MAPKAPK5: variants seen among roughly 807,000 people sequenced by gnomAD.
The protein encoded by MAPKAPK5 is MAPK activated protein kinase 5, also known as MAP kinase-activated protein kinase 5.
MAPKAPK5 carries 30 observed loss-of-function variants against 65.1 expected under a neutral mutation model. The observed-to-expected ratio is 0.46, with a 90% CI of 0.34 to 0.63. The LOEUF (loss-of-function observed/expected upper bound fraction) is 0.63. Ranked by LOEUF, MAPKAPK5 falls within the 20% of genes least tolerant of loss-of-function variation. The pLI is 0.01. For synonymous variants in MAPKAPK5, 179 were observed against 204.6 expected (o/e 0.87, Z 1.07); for missense variants, 433 against 581.4 (o/e 0.74, Z 2.63).
In MAPKAPK5 at chr12:111,889,830, T is replaced by C. The variant is rs1299048697; in HGVS notation, c.1217-210T>C. On this transcript the variant is annotated intron_variant, in intron 12 of 13. Transcript: ENST00000550735. ...TAAGACTCTGGGGCCATCAGTGGATTTGTATAAAGATGTCAGAGTAAAAAA... is the reference window on the plus strand; with the variant it reads ...TAAGACTCTGGGGCCATCAGTGGATCTGTATAAAGATGTCAGAGTAAAAAA... The C allele has an allele frequency of 8.4e-6, 4 of 475,708 alleles. No individual in the cohort carries two copies. In the Admixed American group the frequency reaches 9.9e-5, roughly 12 times the overall value. 29.5% of individuals were successfully genotyped at this position (475,708 alleles called of 1,614,324 possible).
Position 111,901,265 on chromosome 12 carries a change from A to C in MAPKAPK5, c.*8204A>C. ...TGATTTCTGCCTGCAACCCAGAAAA[A>C]ACGTGTAATGGGAAGGGAGTTTGTA... On this transcript the variant is annotated 3_prime_UTR_variant, in exon 14 of 14. Transcript: ENST00000550735. 1 of 455,942 alleles carries C rather than the reference A, an allele frequency of 2.2e-6. No homozygotes were observed. The allele number at this position is 455,942 out of a possible 1,614,324, so 28.2% of individuals were successfully genotyped here. A position where few individuals can be genotyped will look rare whatever the true frequency, so the allele number is the denominator to read the frequency against.
At position 111,876,531 on chromosome 12, in the gene MAPKAPK5, G is replaced by C. The variant is rs11066056; in HGVS notation, c.580-3916G>C. ...TCTTGTTCCTTTGTTTTTCCTGCCA[G>C]GGATCTCTTGAGCTCCTGGGATCTG... On this transcript the variant is annotated intron_variant, in intron 7 of 13. Transcript: ENST00000550735. 0.056 allele frequency among the ~76,000 whole-genome samples: 8,445 copies of C among 151,832 alleles called. 1,303 individuals are homozygous for C. In the East Asian group the frequency reaches 0.61, roughly 11 times the overall value.
chr12:111,898,268 A>C lies in MAPKAPK5; in HGVS notation c.*5207A>C, dbSNP rs557286102. 6.6e-6 allele frequency: 1 copy of C among 151,954 alleles called. No individual in the cohort carries two copies. The allele number at this position is 151,954 out of a possible 1,614,324, so 9.4% of individuals were successfully genotyped here. A position where few individuals can be genotyped will look rare whatever the true frequency, so the allele number is the denominator to read the frequency against. ...ACTGCAACCTACGCCTCCTGGGTTC[A>C]AGCGATTCTCCTGCCTCACCTTCCT... On this transcript the variant is annotated 3_prime_UTR_variant, in exon 14 of 14. Coordinates refer to ENST00000550735, the MANE Select transcript of MAPKAPK5 (RefSeq NM_003668.4).
At chr12:111,861,398 G>A (rs914672601) in intron 1 of MAPKAPK5, among the ~76,000 whole-genome samples, 2 of 151,580 alleles carry the variant, frequency 1.3e-5, no homozygotes, top group African/African-American at 2.4e-5. Flanking sequence ...GCGTGATCTC[G>A]GCTCACTGCA....
chr12:111,883,734 C>G lies in MAPKAPK5; in HGVS notation c.814C>G (p.Gln272Glu), dbSNP rs773577595. Residue 272 changes from glutamine (Q) to glutamate (E), a missense_variant, in exon 9 of 14, where the codon CAG becomes GAG. Transcript: ENST00000550735. This position sits in a 1 kb window ranked among gnomAD's most constrained non-coding sequence, Gnocchi z 4.8. ...TGAGTTCCCAGAGGAAGAGTGGAGT[C>G]AGATCTCAGAGATGGCCAAAGATGT... ...SFEFPEEEWS[Q>E]ISEMAKDVVR... 6.2e-7 allele frequency: 1 copy of G among 1,613,878 alleles called. No individual in the cohort carries two copies. The highest frequency in any genetic ancestry group is 8.5e-7 in the Non-Finnish European group (1 of 1,179,850).
At chr12:111,860,609 T>G (rs1345880096) in intron 1 of MAPKAPK5, among the ~76,000 whole-genome samples, 1 of 152,086 alleles carries the variant, frequency 6.6e-6, no homozygotes, top group African/African-American at 2.4e-5. Context: ...TTGGGAAAAC[T>G]AGCATTGTCA....
At chr12:111,865,834 C>CAAAAA (rs1157723498) in intron 2 of MAPKAPK5, among the ~76,000 whole-genome samples, 1 of 57,410 alleles carries the variant, frequency 1.7e-5, no homozygotes, top group Non-Finnish European at 3.7e-5. Context: ...GATTCTGTCT[C>CAAAAA]AAAAAAAAAA....
intron 9 of MAPKAPK5, among the ~76,000 whole-genome samples, chr12:111,884,434 C>G (rs1367067961): frequency 1.3e-5 from 2 of 152,230 alleles, no homozygotes; most frequent in Non-Finnish European, 2.9e-5. Flanking sequence ...TGGTCTCAAA[C>G]TACTGATCTC....
At chr12:111,884,130 G>A (rs1016907311) in intron 9 of MAPKAPK5, among the ~76,000 whole-genome samples, 2 of 152,134 alleles carry the variant, frequency 1.3e-5, no homozygotes, top group Non-Finnish European at 2.9e-5. Context: ...GGTGAACTAG[G>A]TGCCGAGATG....
chr12:111,854,475 G>A (rs1256332535), intron 1 of MAPKAPK5, among the ~76,000 whole-genome samples: 2 of 152,192 alleles, frequency 1.3e-5, no homozygotes, highest in Non-Finnish European at 2.9e-5. Context: ...TCTTGACCTC[G>A]TGATCCACCT....
At chr12:111,867,777 A>C in intron 4 of MAPKAPK5, 108 bp downstream of exon 4, 1 of 790,526 alleles carries the variant, frequency 1.3e-6, no homozygotes, top group Non-Finnish European at 2.1e-6. Flanking sequence ...TCTTCCTCCT[A>C]CCCTCGCTTC....
intron 3 of MAPKAPK5, among the ~76,000 whole-genome samples, chr12:111,866,643 C>T (rs1470944882): frequency 6.6e-6 from 1 of 152,262 alleles, no homozygotes; most frequent in Middle Eastern, 3.2e-3. Flanking sequence ...GAGTTTCACT[C>T]TTGTTGCCCA....
chr12:111,857,244 C>CT lies in MAPKAPK5; in HGVS notation c.37-7992dup, dbSNP rs1347172253. Among the ~76,000 whole-genome samples, 287 of 140,348 alleles carry CT rather than the reference C, an allele frequency of 2.0e-3. 1 individual carries two copies. Among genetic ancestry groups the CT allele is most frequent in the East Asian group, 4.1e-3 (20 of 4,922 alleles). The allele number at this position is 140,348 out of a possible 152,430, so 92.1% of individuals were successfully genotyped here. ...CTTGTGGATCCAAGTTTTCTTTTTT[C>CT]TTTTTTTTTTTTTTGAGATGGAGCC... On this transcript the variant is annotated intron_variant, in intron 1 of 13. Transcript: ENST00000550735.
In MAPKAPK5 at chr12:111,894,773, T is replaced by C. The variant is rs1320481588; in HGVS notation, c.*1712T>C. On this transcript the variant is annotated 3_prime_UTR_variant, in exon 14 of 14. Coordinates refer to ENST00000550735, the MANE Select transcript of MAPKAPK5 (RefSeq NM_003668.4). ...AAACCAATTTTCGTGTATATGTGTGTGTGTGTGTGTGTGTGTGTGAAGCAG... is the reference window on the plus strand; with the variant it reads ...AAACCAATTTTCGTGTATATGTGTGCGTGTGTGTGTGTGTGTGTGAAGCAG... The C allele has an allele frequency of 2.7e-5, 4 of 150,646 alleles. No individual in the cohort carries two copies. The highest frequency in any genetic ancestry group is 9.8e-5 in the African/African-American group (4 of 40,646). The allele number at this position is 150,646 out of a possible 1,614,324, so 9.3% of individuals were successfully genotyped here. A position where few individuals can be genotyped will look rare whatever the true frequency, so the allele number is the denominator to read the frequency against.
intron 1 of MAPKAPK5, chr12:111,843,455 A>G: frequency 5.1e-6 from 2 of 392,816 alleles, no homozygotes; most frequent in Non-Finnish European, 9.0e-6. Flanking sequence ...TTTTAAAGGC[A>G]CATTTTGCCC....
intron 1 of MAPKAPK5, among the ~76,000 whole-genome samples, chr12:111,854,938 TATTA>T (rs2069187772): frequency 6.8e-6 from 1 of 147,242 alleles, no homozygotes; most frequent in Admixed American, 6.7e-5. Flanking sequence ...GATACTCAGT[TATTA>T]ATTCAGTTTT....
chr12:111,852,192 A>C (rs532026167), intron 1 of MAPKAPK5, among the ~76,000 whole-genome samples: 1 of 152,308 alleles, frequency 6.6e-6, no homozygotes, highest in East Asian at 1.9e-4. Context: ...TTGTATAGAA[A>C]TGTTTTTAGA....
Position 111,901,643 on chromosome 12 carries a change from G to T in MAPKAPK5, c.*8582G>T. 1 of 269,982 alleles carries T rather than the reference G, an allele frequency of 3.7e-6. No individual in the cohort carries two copies. The highest frequency in any genetic ancestry group is 3.7e-5 in the South Asian group (1 of 27,270). 16.7% of individuals were successfully genotyped at this position (269,982 alleles called of 1,614,324 possible). ...AGAAGTGGCCACAGAAGAAAAAGAA[G>T]AGAAGGAGGAAGAAAAAGAAGAGGA... On this transcript the variant is annotated 3_prime_UTR_variant, in exon 14 of 14. Transcript: ENST00000550735.
At chr12:111,863,925 C>G (rs142324638) in intron 1 of MAPKAPK5, among the ~76,000 whole-genome samples, 2 of 151,914 alleles carry the variant, frequency 1.3e-5, no homozygotes, top group Non-Finnish European at 2.9e-5. Flanking sequence ...TTCTTAAGGT[C>G]TGCAGTTGGT....
Sources: allele counts gnomAD v4.1 joint callset (sites outside exome capture counted in the v4.1 genomes callset), GRCh38; gene constraint gnomAD v4.1.1; non-coding constraint Gnocchi (gnomAD v3.1); transcripts MANE v1.5; gene names NCBI Gene and HGNC (gene_info 2026-07-23, HGNC 2026-07-21).